AUTS2: variants seen among roughly 807,000 people sequenced by gnomAD.
AUTS2 encodes the protein autism susceptibility gene 2 protein.
A neutral mutation model predicts 112.4 loss-of-function variants in AUTS2; 17 were observed. The ratio of observed to expected loss-of-function variants is 0.15; its 90% confidence interval spans 0.10 to 0.23. The LOEUF is 0.23. AUTS2 is among the 10% of genes least tolerant of loss of function. AUTS2 has a pLI of 1.00. For missense variants in AUTS2, 1,510 were observed against 1,701.6 expected (o/e 0.89, Z 1.98); for synonymous variants, 751 against 702.7 (o/e 1.07, Z -1.09).
chr7:70,506,511 T>C (rs1208497208), intron 5 of AUTS2, among the ~76,000 whole-genome samples: 1 of 152,212 alleles, frequency 6.6e-6, no homozygotes, highest in African/African-American at 2.4e-5. Context: ...TTACTGCCTC[T>C]CACTTGAAGA....
intron 1 of AUTS2, among the ~76,000 whole-genome samples, chr7:69,880,745 G>C (rs993372625): frequency 6.6e-6 from 1 of 152,130 alleles, no homozygotes; most frequent in Admixed American, 6.5e-5. Context: ...TCCCACCTCT[G>C]AGAACCCTGG....
intron 4 of AUTS2, among the ~76,000 whole-genome samples, chr7:70,413,665 CTTGTTTTGTT>C (rs10672712): frequency 1.1e-4 from 16 of 150,908 alleles, no homozygotes; most frequent in Non-Finnish European, 1.6e-4. Flanking sequence ...AATTTCTTTT[CTTGTTTTGTT>C]TTGTTTTGTT....
At chr7:69,619,242 T>C (rs1352678519) in intron 1 of AUTS2, among the ~76,000 whole-genome samples, 1 of 152,154 alleles carries the variant, frequency 6.6e-6, no homozygotes. Context: ...TGCGGATATA[T>C]TTACATATTC....
chr7:70,108,985 G>T (rs1353510771), intron 2 of AUTS2, among the ~76,000 whole-genome samples: 4 of 151,966 alleles, frequency 2.6e-5, no homozygotes, highest in Non-Finnish European at 5.9e-5. Context: ...GGTCTTGCTA[G>T]GATGACAAGG....
At chr7:70,436,770 T>A (rs1305921843) in intron 5 of AUTS2, 1 of 152,182 alleles carries the variant, frequency 6.6e-6, no homozygotes, top group Non-Finnish European at 1.5e-5. Flanking sequence ...TTTCTCTCCT[T>A]CTCTGCTGCC....
At chr7:69,869,300 A>G (rs1482349194) in intron 1 of AUTS2, among the ~76,000 whole-genome samples, 1 of 152,028 alleles carries the variant, frequency 6.6e-6, no homozygotes, top group Non-Finnish European at 1.5e-5. Flanking sequence ...CCTACTCAGG[A>G]GCCCTTCCTG....
intron 2 of AUTS2, among the ~76,000 whole-genome samples, chr7:69,981,511 A>G (rs1798293379): frequency 6.6e-6 from 1 of 152,248 alleles, no homozygotes; most frequent in Non-Finnish European, 1.5e-5. Flanking sequence ...ATACATAGAT[A>G]TAATCAATAT....
intron 1 of AUTS2, among the ~76,000 whole-genome samples, chr7:69,838,463 A>C (rs972429899): frequency 2.0e-5 from 3 of 152,104 alleles, no homozygotes; most frequent in African/African-American, 4.8e-5. Flanking sequence ...AGGCACAGAG[A>C]GTTTCAGTCA....
chr7:70,653,563 C>T (rs533556019), intron 5 of AUTS2, among the ~76,000 whole-genome samples: 6 of 152,260 alleles, frequency 3.9e-5, no homozygotes, highest in African/African-American at 1.4e-4. Flanking sequence ...CTCAAGAGGC[C>T]ATTATGTCCT....
intron 2 of AUTS2, among the ~76,000 whole-genome samples, chr7:70,089,459 T>G (rs1803792110): frequency 6.6e-6 from 1 of 152,138 alleles, no homozygotes; most frequent in South Asian, 2.1e-4. Flanking sequence ...CTTTTTTCAT[T>G]CCTTTGCATT....
chr7:69,895,871 G>C (rs1794722770), intron 1 of AUTS2, among the ~76,000 whole-genome samples: 1 of 152,218 alleles, frequency 6.6e-6, no homozygotes, highest in South Asian at 2.1e-4. Flanking sequence ...TAAAAGCACA[G>C]TGGATACATT....
At chr7:69,629,327 T>C (rs1446847305) in intron 1 of AUTS2, among the ~76,000 whole-genome samples, 1 of 152,200 alleles carries the variant, frequency 6.6e-6, no homozygotes, top group African/African-American at 2.4e-5. Context: ...GCTGTGGTAC[T>C]CCCTTTCTTC....
intron 5 of AUTS2, among the ~76,000 whole-genome samples, chr7:70,563,224 C>T (rs1801562589): frequency 6.6e-6 from 1 of 152,100 alleles, no homozygotes; most frequent in Admixed American, 6.5e-5. Context: ...GATACTTATT[C>T]CCTGGTATAA....
At position 69,751,633 on chromosome 7, in the gene AUTS2, T is replaced by C. The variant is rs139880563; in HGVS notation, c.310-147653T>C. 1.7e-3 allele frequency among the ~76,000 whole-genome samples: 255 copies of C among 152,354 alleles called. 1 individual carries two copies. Among genetic ancestry groups the C allele is most frequent in the African/African-American group, 5.4e-3 (224 of 41,590 alleles). ...GTGGTTTAGCCTGTGGGATTGTTTC[T>C]CAGCATATAAACTTCTTCAGTTATG... On this transcript the variant is annotated intron_variant, in intron 1 of 18. Coordinates refer to ENST00000342771, the MANE Select transcript of AUTS2 (RefSeq NM_015570.4).
chr7:70,515,391 G>A (rs563441538), intron 5 of AUTS2, among the ~76,000 whole-genome samples: 16 of 152,128 alleles, frequency 1.1e-4, no homozygotes, highest in Admixed American at 5.2e-4. Context: ...AAGGATTTCC[G>A]GGAACTATTT....
chr7:70,298,219 A>G (rs748588410), intron 4 of AUTS2, among the ~76,000 whole-genome samples: 2 of 152,106 alleles, frequency 1.3e-5, no homozygotes. Flanking sequence ...TTTAGTAGAG[A>G]TGGGGTTTCA....
chr7:70,494,489 G>T (rs1255281400), intron 5 of AUTS2, among the ~76,000 whole-genome samples: 1 of 152,130 alleles, frequency 6.6e-6, no homozygotes, highest in Non-Finnish European at 1.5e-5. Flanking sequence ...AGCCATAATT[G>T]CAATGAGAAG....
intron 3 of AUTS2, among the ~76,000 whole-genome samples, chr7:70,122,837 G>C (rs1447788587): frequency 1.3e-5 from 2 of 149,584 alleles, no homozygotes; most frequent in African/African-American, 2.5e-5. Flanking sequence ...CAAGCACTAT[G>C]GCAATCTGAA....
chr7:70,223,480 A>G (rs1811592882), intron 4 of AUTS2, among the ~76,000 whole-genome samples: 1 of 152,196 alleles, frequency 6.6e-6, no homozygotes, highest in African/African-American at 2.4e-5. Flanking sequence ...TTCTGTGCTG[A>G]TGCTGGTGTA....
Sources: allele counts gnomAD v4.1 joint callset (sites outside exome capture counted in the v4.1 genomes callset), GRCh38; gene constraint gnomAD v4.1.1; transcripts MANE v1.5; gene names NCBI Gene and HGNC (gene_info 2026-07-23, HGNC 2026-07-21).